The following CBFA2T3 variants were observed in gnomAD, a reference collection of about 807,000 sequenced individuals.
The protein encoded by CBFA2T3 is transcriptional corepressor CBFA2T3.
A neutral mutation model predicts 58.6 loss-of-function variants in CBFA2T3; 31 were observed. The observed-to-expected ratio is 0.53, with a 90% confidence interval of 0.40 to 0.71. The LOEUF (loss-of-function observed/expected upper bound fraction) is 0.71. Ranked by LOEUF, CBFA2T3 falls within the 30% of genes least tolerant of loss-of-function variation. CBFA2T3 has a pLI of 0.00. For missense variants in CBFA2T3, 1,076 were observed against 963.1 expected (o/e 1.12, Z -1.55); for synonymous variants, 531 against 421.9 (o/e 1.26, Z -3.17).
chr16:88,886,062 C>T lies in CBFA2T3; in HGVS notation c.792G>A (p.Gln264=). The change falls in exon 6 of 12, where the codon CAG becomes CAA. Residue 264 remains glutamine (Q), a synonymous_variant. Coordinates refer to ENST00000268679, the MANE Select transcript of CBFA2T3 (RefSeq NM_005187.6). ...TGGCGTCCAGCAGGAGCTGCTCATGCTGGGCCAAGTACTGGGCGGGCGTCT... is the reference window on the plus strand; with the variant it reads ...TGGCGTCCAGCAGGAGCTGCTCATGTTGGGCCAAGTACTGGGCGGGCGTCT... The part of the protein sequence containing the change: ...AKQTPAQYLA[Q]HEQLLLDASA... 6.3e-7 allele frequency: 1 copy of T among 1,589,470 alleles called. No individual in the cohort carries two copies. Among genetic ancestry groups the T allele is most frequent in the Admixed American group, 1.8e-5 (1 of 56,700 alleles).
intron 3 of CBFA2T3, among the ~76,000 whole-genome samples, chr16:88,894,517 A>G (rs1447302574): frequency 1.6e-5 from 2 of 128,518 alleles, no homozygotes; most frequent in Non-Finnish European, 3.2e-5. Context: ...ATGCACACAC[A>G]CATGCATACA....
intron 1 of CBFA2T3, among the ~76,000 whole-genome samples, chr16:88,926,991 C>G (rs1054014668): frequency 3.3e-5 from 5 of 152,204 alleles, no homozygotes; most frequent in Admixed American, 2.6e-4. Context: ...TGCCTCGGGC[C>G]TGGCACGCGT....
intron 1 of CBFA2T3, among the ~76,000 whole-genome samples, chr16:88,967,545 A>G (rs1453939098): frequency 6.6e-6 from 1 of 151,974 alleles, no homozygotes; most frequent in African/African-American, 2.4e-5. Flanking sequence ...GGTCCCCCCA[A>G]CCCCTTGATC....
chr16:88,921,314 C>A (rs1225293484), intron 1 of CBFA2T3, among the ~76,000 whole-genome samples: 1 of 152,228 alleles, frequency 6.6e-6, no homozygotes, highest in Non-Finnish European at 1.5e-5. Flanking sequence ...GTTAATTACA[C>A]GCAGGCAGCA....
chr16:88,921,229 T>C (rs1406600095), intron 1 of CBFA2T3, among the ~76,000 whole-genome samples: 1 of 152,256 alleles, frequency 6.6e-6, no homozygotes, highest in Non-Finnish European at 1.5e-5. Context: ...AACAGGTAAA[T>C]TGTTTCCTGC....
chr16:88,932,958 G>T lies in CBFA2T3; in HGVS notation c.152-31302C>A, dbSNP rs933473611. Among the ~76,000 whole-genome samples, 5 of 150,178 alleles carry T rather than the reference G, an allele frequency of 3.3e-5. 1 individual carries two copies. Among genetic ancestry groups the T allele is most frequent in the Admixed American group, 1.3e-4 (2 of 15,004 alleles). ...CACTCCAGCCTGGGCGACAGAGTGA[G>T]ATTGTGTCTGGGGGAAAAAAAGAAA... is the stretch of plus-strand genomic sequence containing the variant. On this transcript the variant is annotated intron_variant, in intron 1 of 11. Transcript: ENST00000268679.
At chr16:88,971,940 T>G (rs1359508008) in intron 1 of CBFA2T3, among the ~76,000 whole-genome samples, 1 of 152,222 alleles carries the variant, frequency 6.6e-6, no homozygotes, top group Non-Finnish European at 1.5e-5. Flanking sequence ...TGCTTCTCGG[T>G]CCACATGTGG....
At chr16:88,969,599 C>T (rs1275664713) in intron 1 of CBFA2T3, among the ~76,000 whole-genome samples, 2 of 152,240 alleles carry the variant, frequency 1.3e-5, no homozygotes, top group Non-Finnish European at 2.9e-5. Context: ...TGGTCGGGTC[C>T]AGCCACTGCC....
Position 88,898,378 on chromosome 16 carries a change from CG to C in CBFA2T3, c.305-227del, listed in dbSNP as rs551737570. ...AGGAGACTCTGCCCTCAGGGACGCC[CG>C]GGCCGCCGTTTCCTGCTTCTCAGAG... On this transcript the variant is annotated intron_variant, in intron 2 of 11. Coordinates refer to ENST00000268679, the MANE Select transcript of CBFA2T3 (RefSeq NM_005187.6). 4.9e-3 allele frequency among the ~76,000 whole-genome samples: 741 copies of C among 152,266 alleles called. 5 individuals carry two copies. The highest frequency in any genetic ancestry group is 0.017 in the African/African-American group (708 of 41,548).
At chr16:88,941,859 G>A (rs1192081329) in intron 1 of CBFA2T3, 1 of 123,308 alleles carries the variant, frequency 8.1e-6, no homozygotes, top group African/African-American at 2.7e-5. Context: ...GTTGGGGGGT[G>A]TGGGGGGGGT....
rs150852720 is a variant in CBFA2T3, at chr16:88,880,779, C to A, written c.1412G>T (p.Arg471Leu). Residue 471 changes from arginine to leucine, a missense_variant, in exon 10 of 12, where the codon CGC becomes CTC. Transcript: ENST00000268679. The part of the protein sequence containing the change: ...GPEGPQLDVP[R>L]EFLPRTLTGY... ...GGTGAGGGTCCTCGGCAGGAACTCG[C>A]GAGGCACGTCTGAAACAGGGGCCGG... The A allele has an allele frequency of 6.3e-7, 1 of 1,583,628 alleles. No individual in the cohort carries two copies. Among genetic ancestry groups the A allele is most frequent in the East Asian group, 2.3e-5 (1 of 43,304 alleles).
chr16:88,943,262 G>C (rs1049289646), intron 1 of CBFA2T3, among the ~76,000 whole-genome samples: 3 of 152,228 alleles, frequency 2.0e-5, no homozygotes, highest in Non-Finnish European at 4.4e-5. Flanking sequence ...CCTGGGAGCA[G>C]AAGCTGGCCT....
chr16:88,906,355 C>T (rs1350316158), intron 1 of CBFA2T3, among the ~76,000 whole-genome samples: 2 of 152,310 alleles, frequency 1.3e-5, no homozygotes, highest in East Asian at 3.9e-4. Flanking sequence ...CGTGGGCTAC[C>T]AGCCCACGGC....
chr16:88,883,582 G>C (rs1009938505), intron 7 of CBFA2T3: 3 of 152,114 alleles, frequency 2.0e-5, no homozygotes, highest in Non-Finnish European at 4.4e-5. Flanking sequence ...AGTGACGCCC[G>C]GCAGTGGCCG....
intron 1 of CBFA2T3, among the ~76,000 whole-genome samples, chr16:88,910,754 C>T (rs1970504792): frequency 6.6e-6 from 1 of 152,194 alleles, no homozygotes; most frequent in African/African-American, 2.4e-5. Context: ...CAGCATCAGA[C>T]CTGGGGCTCC....
chr16:88,929,418 A>C (rs1420407269), intron 1 of CBFA2T3, among the ~76,000 whole-genome samples: 1 of 152,206 alleles, frequency 6.6e-6, no homozygotes, highest in Non-Finnish European at 1.5e-5. Context: ...TTTCTTGATA[A>C]TTTATCCCTT....
chr16:88,930,381 G>A lies in CBFA2T3; in HGVS notation c.152-28725C>T, dbSNP rs142590325. 5.2e-3 allele frequency among the ~76,000 whole-genome samples: 742 copies of A among 142,894 alleles called. 79 individuals carry two copies. The highest frequency in any genetic ancestry group is 0.021 in the African/African-American group (688 of 32,938). 93.7% of individuals were successfully genotyped at this position (142,894 alleles called of 152,430 possible). A position where few individuals can be genotyped will look rare whatever the true frequency, so the allele number is the denominator to read the frequency against. ...AGCTACCCATGCCCACAGCTGCATC[G>A]TCCACGCAAAAGCTACCCATGCCCA... is the stretch of plus-strand genomic sequence containing the variant. On this transcript the variant is annotated intron_variant, in intron 1 of 11. Coordinates refer to ENST00000268679, the MANE Select transcript of CBFA2T3 (RefSeq NM_005187.6).
intron 10 of CBFA2T3, 48 bp from the exon 11 acceptor site, chr16:88,879,508 T>G (rs1446782196): frequency 6.4e-7 from 1 of 1,565,156 alleles, no homozygotes; most frequent in Non-Finnish European, 8.8e-7. Context: ...CCATCCCAGA[T>G]GGGTCTCTGG....
intron 7 of CBFA2T3, chr16:88,883,582 G>A (rs1009938505): frequency 3.3e-5 from 5 of 152,232 alleles, no homozygotes; most frequent in East Asian, 1.9e-4. Context: ...AGTGACGCCC[G>A]GCAGTGGCCG....
Sources: gnomAD v4.1 joint callset for allele counts (sites outside exome capture counted in the v4.1 genomes callset) on GRCh38, gnomAD v4.1.1 for gene constraint, MANE v1.5 for transcripts, NCBI Gene and HGNC (gene_info 2026-07-23, HGNC 2026-07-21) for gene names.